TNRC18: variants seen among roughly 807,000 people sequenced by gnomAD.
TNRC18 encodes the protein trinucleotide repeat-containing gene 18 protein.
Under a neutral mutation model 226.7 loss-of-function variants are expected in TNRC18, and 69 were observed. The observed-to-expected ratio is 0.30, with a 90% CI of 0.25 to 0.37. The LOEUF is 0.37. Among genes scored for constraint, TNRC18 ranks in the 10% least tolerant of loss-of-function variants. The pLI is 1.00. For missense variants in TNRC18, 4,754 were observed against 4,256.6 expected (o/e 1.12, Z -3.25); for synonymous variants, 2,449 against 1,927.6 (o/e 1.27, Z -7.09).
chr7:5,399,671 A>AGATTTGGTG (rs1780944142), intron 2 of TNRC18, among the ~76,000 whole-genome samples: 1 of 151,450 alleles, frequency 6.6e-6, no homozygotes, highest in Admixed American at 6.6e-5. Flanking sequence ...GCGCCACTGC[A>AGATTTGGTG]CTCCAGCCTG....
At chr7:5,364,462 AACACACACACACACACACAC>A (rs58752853) in intron 11 of TNRC18, among the ~76,000 whole-genome samples, 11,691 of 116,628 alleles carry the variant, frequency 0.1, 538 homozygotes, top group Middle Eastern at 0.18. Context: ...TCTCAAAGAA[AACACACACACACACACACAC>A]ACACACACAC....
At position 5,368,537 on chromosome 7, in the gene TNRC18, G is replaced by A. The variant is rs1793852841; in HGVS notation, c.4219+1838C>T. 1.3e-5 allele frequency among the ~76,000 whole-genome samples: 2 copies of A among 151,862 alleles called. 1 individual carries two copies. The highest frequency in any genetic ancestry group is 4.2e-4 in the South Asian group (2 of 4,798). ...AAGATAGCCAGGCATGGTGGTGCGT[G>A]CCTGTAATCCCAGGTACTCAGGAGG... On this transcript the variant is annotated intron_variant, in intron 11 of 29. Coordinates refer to ENST00000430969, the MANE Select transcript of TNRC18 (RefSeq NM_001080495.3).
Position 5,312,617 on chromosome 7 carries a change from G to T in TNRC18, c.8274C>A (p.Pro2758=), listed in dbSNP as rs551425143. The change falls in exon 27 of 30, where the codon CCC becomes CCA. Residue 2758 remains proline, a synonymous_variant. Transcript: ENST00000430969. The surrounding 1 kb of genome is among the most constrained non-coding windows in gnomAD (Gnocchi z 6.3). ...GCCGCTTGGCCAGCTCCTTGGTGGT[G>T]GGGAGGTGGACGCCCTCTCTCTTCT... ...RPKKREGVHL[P]TTKELAKRQR... The T allele has an allele frequency of 8.7e-6, 14 of 1,610,428 alleles. No homozygotes were observed. The highest frequency in any genetic ancestry group is 2.7e-5 in the African/African-American group (2 of 74,858).
Position 5,325,252 on chromosome 7 carries a change from G to C in TNRC18, c.6148-4C>G. On this transcript the variant is annotated splice_polypyrimidine_tract_variant and splice_region_variant and intron_variant, in intron 19 of 29. Transcript: ENST00000430969. ...CAGCCTCTTTCCCTTTCTTCTTCTG[G>C]AGGAGGAAGCAGCAGAGAGGAGCCA... is the stretch of plus-strand genomic sequence containing the variant. 2 of 1,550,760 alleles carry C rather than the reference G, an allele frequency of 1.3e-6. No homozygotes were observed. The highest frequency in any genetic ancestry group is 1.7e-6 in the Non-Finnish European group (2 of 1,153,920).
At chr7:5,345,409 GA>G (rs1385289560) in intron 18 of TNRC18, among the ~76,000 whole-genome samples, 152 bp downstream of exon 18, 1 of 152,206 alleles carries the variant, frequency 6.6e-6, no homozygotes, top group Non-Finnish European at 1.5e-5. Context: ...GAGCATCCCT[GA>G]TCAGCACGGG....
intron 27 of TNRC18, among the ~76,000 whole-genome samples, chr7:5,310,556 A>G (rs903706250): frequency 6.6e-6 from 1 of 151,420 alleles, no homozygotes; most frequent in African/African-American, 2.4e-5. Context: ...TTTTTTCAAG[A>G]CAAGGTCTCA....
intron 2 of TNRC18, 23 bp downstream of exon 2, chr7:5,421,037 C>G: frequency 6.5e-7 from 1 of 1,532,916 alleles, no homozygotes; most frequent in Non-Finnish European, 8.8e-7. Context: ...CAGGAGGGGA[C>G]GGGCACGGCG....
intron 5 of TNRC18, among the ~76,000 whole-genome samples, chr7:5,384,253 C>A (rs1166350939): frequency 2.6e-5 from 4 of 152,166 alleles, no homozygotes; most frequent in African/African-American, 7.2e-5. Context: ...CAGGCGTGAG[C>A]CACCACGCCC....
At position 5,345,726 on chromosome 7, in the gene TNRC18, C is replaced by T. The variant is rs1346042181; in HGVS notation, c.5555G>A (p.Arg1852Gln). 1.1e-5 allele frequency: 17 copies of T among 1,548,396 alleles called. No homozygotes were observed. Among genetic ancestry groups the T allele is most frequent in the East Asian group, 4.9e-5 (2 of 40,892 alleles). ...ASGGGYRLGA[R>Q]ERALSPGLEE... is the part of the protein sequence containing the mutation. ...CAGGCCCGGTGACAGGGCCCGCTCC[C>T]GGGCACCCAGCCTGTAGCCACCACC... The change falls in exon 18 of 30, where the codon CGG becomes CAG. Residue 1852 changes from arginine (R) to glutamine (Q), a missense_variant. Coordinates refer to ENST00000430969, the MANE Select transcript of TNRC18 (RefSeq NM_001080495.3).
At chr7:5,385,897 C>T (rs1779739938) in intron 5 of TNRC18, among the ~76,000 whole-genome samples, 1 of 147,926 alleles carries the variant, frequency 6.8e-6, no homozygotes, top group Non-Finnish European at 1.5e-5. Context: ...GCATGAGAAT[C>T]ACTTGAACCC....
Position 5,312,774 on chromosome 7 carries a change from T to G in TNRC18, c.8117A>C (p.Gln2706Pro). ...GGCCGAGGGCCGCGCCTTGCCGGCC[T>G]GCTTGGTGGCCTTGGTGGGGAGCGC... ...QAALPTKATK[Q>P]AGKARPSAHS... Residue 2706 changes from glutamine to proline, a missense_variant, in exon 27 of 30, where the codon CAG (glutamine) becomes CCG (proline). Physicochemically the swap from Gln to Pro is moderately conservative, Grantham distance 76 (BLOSUM62 -1). Coordinates refer to ENST00000430969, the MANE Select transcript of TNRC18 (RefSeq NM_001080495.3). The surrounding 1 kb of genome is among the most constrained non-coding windows in gnomAD (Gnocchi z 6.3). The G allele has an allele frequency of 6.5e-7, 1 of 1,533,234 alleles. No individual in the cohort carries two copies. Among genetic ancestry groups the G allele is most frequent in the Non-Finnish European group, 8.7e-7 (1 of 1,145,008 alleles). The allele number at this position is 1,533,234 out of a possible 1,614,324, so 95.0% of individuals were successfully genotyped here.
intron 2 of TNRC18, among the ~76,000 whole-genome samples, chr7:5,395,049 A>T (rs1299801855): frequency 6.6e-6 from 1 of 152,148 alleles, no homozygotes; most frequent in African/African-American, 2.4e-5. Flanking sequence ...CTGCAGGCCC[A>T]GAGAGGACAC....
chr7:5,313,390 G>A lies in TNRC18; in HGVS notation c.7501C>T (p.Leu2501=), dbSNP rs745333177. 1.9e-6 allele frequency: 3 copies of A among 1,591,306 alleles called. No homozygotes were observed. The highest frequency in any genetic ancestry group is 2.6e-6 in the Non-Finnish European group (3 of 1,170,350). ...GWQEPKSLLS[L]GSYPPAAGSS... ...CCGGCCGCGGGGGGATAGCTGCCCA[G>A]GCTCAGGAGGCTCTTGGGCTCCTGC... Residue 2501 remains leucine, a synonymous_variant, in exon 27 of 30, where the codon CTG becomes TTG. Transcript: ENST00000430969.
In TNRC18 at chr7:5,377,267, C is replaced by T. The variant is rs1264085487; in HGVS notation, c.2461+104G>A. ...GAATGCGGGAGGCAGGCCCAGGCCCCCCAGGAAACGGCAGGCAGGAGCCAG... is the reference window on the plus strand; with the variant it reads ...GAATGCGGGAGGCAGGCCCAGGCCCTCCAGGAAACGGCAGGCAGGAGCCAG... On this transcript the variant is annotated intron_variant, in intron 7 of 29. Transcript: ENST00000430969. The surrounding 1 kb of genome is among the most constrained non-coding windows in gnomAD (Gnocchi z 5.8). The T allele has an allele frequency of 2.3e-6, 3 of 1,282,118 alleles. No homozygotes were observed. Among genetic ancestry groups the T allele is most frequent in the Non-Finnish European group, 3.2e-6 (3 of 947,576 alleles). The allele number at this position is 1,282,118 out of a possible 1,614,324, so 79.4% of individuals were successfully genotyped here.
chr7:5,386,356 C>T (rs1337685791), intron 5 of TNRC18, among the ~76,000 whole-genome samples: 1 of 151,968 alleles, frequency 6.6e-6, no homozygotes, highest in Non-Finnish European at 1.5e-5. Context: ...GCAGGCGGAT[C>T]ATCTGAGGTC....
Position 5,377,833 on chromosome 7 carries a change from C to T in TNRC18, c.2255+89G>A. 1 of 1,345,116 alleles carries T rather than the reference C, an allele frequency of 7.4e-7. No homozygotes were observed. Among genetic ancestry groups the T allele is most frequent in the South Asian group, 1.2e-5 (1 of 80,172 alleles). The allele number at this position is 1,345,116 out of a possible 1,614,324, so 83.3% of individuals were successfully genotyped here. The stretch of plus-strand genomic sequence containing the variant: ...TACCATAGCATCCATGGTCGAGGGG[C>T]CAAGCCCACCTGGGGTCATCCAGCT... On this transcript the variant is annotated intron_variant, in intron 6 of 29. Transcript: ENST00000430969. The surrounding 1 kb of genome is among the most constrained non-coding windows in gnomAD (Gnocchi z 5.8).
chr7:5,323,013 G>C (rs1788530936), intron 21 of TNRC18, among the ~76,000 whole-genome samples: 1 of 152,324 alleles, frequency 6.6e-6, no homozygotes, highest in South Asian at 2.1e-4. Flanking sequence ...AACACACGCA[G>C]AGAGGACCAC....
chr7:5,357,934 A>G (rs1583899152), intron 15 of TNRC18, among the ~76,000 whole-genome samples: 1 of 152,344 alleles, frequency 6.6e-6, no homozygotes, highest in East Asian at 1.9e-4. Flanking sequence ...GGTTACACTG[A>G]TCGCTGGCCC....
intron 5 of TNRC18, among the ~76,000 whole-genome samples, chr7:5,379,731 C>A (rs576421716): frequency 6.6e-6 from 1 of 152,368 alleles, no homozygotes; most frequent in Non-Finnish European, 1.5e-5. Context: ...TGGGAGGAAG[C>A]TGAGCCCCAC....
Sources: gnomAD v4.1 joint callset for allele counts (sites outside exome capture counted in the v4.1 genomes callset) on GRCh38, gnomAD v4.1.1 for gene constraint, Gnocchi (gnomAD v3.1) non-coding constraint, MANE v1.5 for transcripts, NCBI Gene and HGNC (gene_info 2026-07-23, HGNC 2026-07-21) for gene names.